Variants in RBFOX1 observed in about 807,000 individuals in gnomAD.
RBFOX1 encodes RNA binding fox-1 homolog 1, also known as RNA binding protein fox-1 homolog 1.
A neutral mutation model predicts 57.7 loss-of-function variants in RBFOX1; 8 were observed. That is an observed-to-expected ratio of 0.14 (90% CI 0.08 to 0.25). RBFOX1 has a LOEUF of 0.25. Ranked by LOEUF, RBFOX1 falls within the 10% of genes least tolerant of loss-of-function variation. The pLI, the probability that RBFOX1 is intolerant of heterozygous loss-of-function variation, is 1.00. For synonymous variants in RBFOX1, 326 were observed against 222.4 expected (o/e 1.47, Z -4.15); for missense variants, 611 against 548.5 (o/e 1.11, Z -1.14).
chr16:6,508,229 A>AG (rs1409718484), intron 2 of RBFOX1, among the ~76,000 whole-genome samples: 1 of 152,102 alleles, frequency 6.6e-6, no homozygotes, highest in Non-Finnish European at 1.5e-5. Flanking sequence ...GGAAGGTGGA[A>AG]GGAGGGAGAG....
At chr16:6,454,084 T>C (rs185264136) in intron 2 of RBFOX1, among the ~76,000 whole-genome samples, 1 of 152,302 alleles carries the variant, frequency 6.6e-6, no homozygotes, top group African/African-American at 2.4e-5. Context: ...TTGTCTCCTC[T>C]TCTTGCAAAG....
At chr16:6,221,289 C>G (rs1320966570) in intron 1 of RBFOX1, among the ~76,000 whole-genome samples, 1 of 152,110 alleles carries the variant, frequency 6.6e-6, no homozygotes, top group Admixed American at 6.6e-5. Flanking sequence ...TTACATTTTC[C>G]TAATAGAAAC....
In RBFOX1 at chr16:7,062,681, T is replaced by C. The variant is rs937524205; in HGVS notation, c.27+10583T>C. 9.2e-5 allele frequency among the ~76,000 whole-genome samples: 14 copies of C among 152,212 alleles called. No individual in the cohort carries two copies. The East Asian group carries it at 2.3e-3, about 25-fold the overall frequency. On this transcript the variant is annotated intron_variant, in intron 4 of 15. Coordinates refer to ENST00000550418, the MANE Select transcript of RBFOX1 (RefSeq NM_018723.4). ...TTCTTTCTCCTGAGACTCTGAATAT[T>C]GAGTAGGGTAATGCTAAATATGGTG... is the stretch of plus-strand genomic sequence containing the variant.
chr16:5,798,495 G>T (rs4522420), intron 3 of RBFOX1, among the ~76,000 whole-genome samples: 54,691 of 151,988 alleles, frequency 0.36, 10,612 homozygotes, highest in South Asian at 0.51. Flanking sequence ...GAAAGGACAT[G>T]CAGACTTGAA....
At chr16:5,788,794 A>G (rs891931868) in intron 3 of RBFOX1, among the ~76,000 whole-genome samples, 7 of 152,102 alleles carry the variant, frequency 4.6e-5, no homozygotes, top group East Asian at 1.9e-4. Flanking sequence ...TGACAGGCAC[A>G]TGCTTTTCTA....
intron 3 of RBFOX1, among the ~76,000 whole-genome samples, chr16:5,843,165 G>A (rs1053070998): frequency 6.6e-6 from 1 of 152,066 alleles, no homozygotes; most frequent in Non-Finnish European, 1.5e-5. Flanking sequence ...AGGTTCAGGG[G>A]TACATGTGCA....
Position 7,109,018 on chromosome 16 carries a change from G to A in RBFOX1, c.27+56920G>A, listed in dbSNP as rs1449532768. On this transcript the variant is annotated intron_variant, in intron 4 of 15. Coordinates refer to ENST00000550418, the MANE Select transcript of RBFOX1 (RefSeq NM_018723.4). The stretch of plus-strand genomic sequence containing the variant: ...ATTTGTCAATGGGATGGAAAAGAGG[G>A]CAGTATACGTGCAGCATAGGAAAAT... Among the ~76,000 whole-genome samples, 4 of 152,100 alleles carry A rather than the reference G, an allele frequency of 2.6e-5. No individual in the cohort carries two copies. In the East Asian group the frequency reaches 5.8e-4, roughly 22 times the overall value.
At chr16:5,424,933 TTCTC>T (rs1364987875) in intron 1 of RBFOX1, among the ~76,000 whole-genome samples, 3 of 109,764 alleles carry the variant, frequency 2.7e-5, no homozygotes, top group African/African-American at 7.1e-5. Flanking sequence ...CTTTCTTTCT[TTCTC>T]TCTCTTCTTT....
chr16:5,628,276 A>G (rs2048402556), intron 3 of RBFOX1, among the ~76,000 whole-genome samples: 1 of 152,194 alleles, frequency 6.6e-6, no homozygotes, highest in Non-Finnish European at 1.5e-5. Context: ...TCTACCATGC[A>G]AATGGTGATC....
intron 1 of RBFOX1, among the ~76,000 whole-genome samples, chr16:6,289,231 C>G (rs960899841): frequency 1.2e-4 from 19 of 152,158 alleles, no homozygotes; most frequent in African/African-American, 4.3e-4. Context: ...GGTATTCGTT[C>G]CTTGACATTT....
chr16:7,218,558 G>C (rs896980005), intron 4 of RBFOX1, among the ~76,000 whole-genome samples: 2 of 151,750 alleles, frequency 1.3e-5, no homozygotes, highest in Non-Finnish European at 2.9e-5. Context: ...CTGAGAAAGA[G>C]GTAAAAAGTT....
In RBFOX1 at chr16:6,782,195, C is replaced by A. The variant is rs570357702; in HGVS notation, c.-16+127545C>A. ...CTAATTGTTGTATTTTCAGTAGATA[C>A]AGGGTTTCGCCATGTTGGCCAGGGT... is the stretch of plus-strand genomic sequence containing the variant. On this transcript the variant is annotated intron_variant, in intron 3 of 15. Coordinates refer to ENST00000550418, the MANE Select transcript of RBFOX1 (RefSeq NM_018723.4). Among the ~76,000 whole-genome samples the A allele has an allele frequency of 2.0e-4, 31 of 152,232 alleles. No homozygotes were observed. In the South Asian group the frequency reaches 6.2e-3, roughly 31 times the overall value.
intron 1 of RBFOX1, among the ~76,000 whole-genome samples, chr16:6,316,639 G>A (rs907477506): frequency 6.6e-6 from 1 of 152,140 alleles, no homozygotes; most frequent in African/African-American, 2.4e-5. Flanking sequence ...TGGTGTAAGA[G>A]AAGAATACAG....
At chr16:7,531,325 A>G (rs763894796) in intron 5 of RBFOX1, among the ~76,000 whole-genome samples, 3 of 152,184 alleles carry the variant, frequency 2.0e-5, no homozygotes, top group Non-Finnish European at 4.4e-5. Flanking sequence ...ACGTATGGTA[A>G]TGATCACTAG....
intron 3 of RBFOX1, among the ~76,000 whole-genome samples, chr16:7,034,249 C>G (rs896529065): frequency 2.6e-5 from 4 of 152,156 alleles, no homozygotes; most frequent in South Asian, 2.1e-4. Context: ...GTGCTCTCAT[C>G]TGTTCAAGGG....
At chr16:6,296,400 C>T (rs1299579742) in intron 1 of RBFOX1, among the ~76,000 whole-genome samples, 3 of 150,842 alleles carry the variant, frequency 2.0e-5, no homozygotes, top group Non-Finnish European at 2.9e-5. Flanking sequence ...GTGGCTGTTA[C>T]GATTAAGCGG....
At chr16:5,775,799 C>A (rs79859909) in intron 3 of RBFOX1, among the ~76,000 whole-genome samples, 1 of 152,170 alleles carries the variant, frequency 6.6e-6, no homozygotes, top group African/African-American at 2.4e-5. Context: ...TAGCAATGTC[C>A]AGATGAAAGA....
At chr16:7,455,418 A>G (rs759774119) in intron 4 of RBFOX1, among the ~76,000 whole-genome samples, 6 of 152,194 alleles carry the variant, frequency 3.9e-5, no homozygotes, top group African/African-American at 4.8e-5. Flanking sequence ...CAAGAATATA[A>G]CAGCTCCCAG....
chr16:5,433,948 C>G (rs2067832427), intron 1 of RBFOX1, among the ~76,000 whole-genome samples: 1 of 152,096 alleles, frequency 6.6e-6, no homozygotes, highest in Admixed American at 6.6e-5. Flanking sequence ...TCAGTCCAGG[C>G]TGCATGTTCG....
Sources: gnomAD v4.1 joint callset for allele counts (sites outside exome capture counted in the v4.1 genomes callset) on GRCh38, gnomAD v4.1.1 for gene constraint, MANE v1.5 for transcripts, NCBI Gene and HGNC (gene_info 2026-07-23, HGNC 2026-07-21) for gene names.